The following AGPAT5 variants were observed in gnomAD, a reference collection of about 807,000 sequenced individuals.
The protein encoded by AGPAT5 is 1-acylglycerol-3-phosphate O-acyltransferase 5, also known as 1-acyl-sn-glycerol-3-phosphate acyltransferase epsilon.
Under a neutral mutation model 45.6 loss-of-function variants are expected in AGPAT5, and 46 were observed. That is an observed-to-expected ratio of 1.01 (90% CI 0.80 to 1.29). AGPAT5 has a LOEUF of 1.29. AGPAT5 is among the 50% of genes most tolerant of loss of function. The pLI, the probability that AGPAT5 is intolerant of heterozygous loss-of-function variation, is 0.00. For missense variants in AGPAT5, 673 were observed against 450.7 expected, an observed-to-expected ratio of 1.49 and a Z score of -4.47; for synonymous variants, 272 against 167.0, an observed-to-expected ratio of 1.63 and a Z score of -4.85.
intron 5 of AGPAT5, among the ~76,000 whole-genome samples, chr8:6,747,332 A>T (rs1432465742): frequency 6.6e-6 from 1 of 152,196 alleles, no homozygotes; most frequent in Non-Finnish European, 1.5e-5. Context: ...CATGGGCAAG[A>T]TGCTATCACC....
At chr8:6,744,052 A>G (rs1801338738) in intron 5 of AGPAT5, among the ~76,000 whole-genome samples, 1 of 152,096 alleles carries the variant, frequency 6.6e-6, no homozygotes, top group Non-Finnish European at 1.5e-5. Context: ...TGTCTCAAAC[A>G]TCATATGAAC....
In AGPAT5 at chr8:6,757,267, T is replaced by C. The variant is rs1234301138; in HGVS notation, c.974T>C (p.Met325Thr). The change falls in exon 8 of 8, where the codon ATG becomes ACG. Residue 325 changes from methionine to threonine, a missense_variant. By Grantham distance (81) the Met-to-Thr change is moderately conservative (BLOSUM62 -1). Coordinates refer to ENST00000285518, the MANE Select transcript of AGPAT5 (RefSeq NM_018361.5). Reference protein sequence around the residue: ...KLSIKKTLPSMLILSGLTAGM... With the variant: ...KLSIKKTLPSTLILSGLTAGM... ...AGTATCAAGAAGACTTTACCATCAATGTTGATCTTAAGTGGTTTGACTGCA... is the reference window on the plus strand; with the variant it reads ...AGTATCAAGAAGACTTTACCATCAACGTTGATCTTAAGTGGTTTGACTGCA... 1 of 1,614,162 alleles carries C rather than the reference T, an allele frequency of 6.2e-7. No individual in the cohort carries two copies. Among genetic ancestry groups the C allele is most frequent in the Non-Finnish European group, 8.5e-7 (1 of 1,180,018 alleles).
intron 6 of AGPAT5, among the ~76,000 whole-genome samples, chr8:6,754,723 G>A (rs547640895): frequency 6.6e-6 from 1 of 152,268 alleles, no homozygotes; most frequent in South Asian, 2.1e-4. Context: ...GGACTTAGAG[G>A]AGGCTCCAGC....
chr8:6,748,450 T>C (rs1801551250), intron 6 of AGPAT5, among the ~76,000 whole-genome samples: 1 of 152,174 alleles, frequency 6.6e-6, no homozygotes, highest in African/African-American at 2.4e-5. Flanking sequence ...CTTTTCAAAA[T>C]ATCTGTTTGA....
chr8:6,733,222 G>A (rs1000453625), intron 4 of AGPAT5, among the ~76,000 whole-genome samples: 2 of 152,230 alleles, frequency 1.3e-5, no homozygotes, highest in Non-Finnish European at 2.9e-5. Flanking sequence ...CGGAGACAAA[G>A]CACCATGATC....
intron 1 of AGPAT5, among the ~76,000 whole-genome samples, chr8:6,723,448 G>A (rs1800574659): frequency 1.4e-5 from 2 of 144,156 alleles, no homozygotes; most frequent in Admixed American, 1.4e-4. Context: ...TGCCCCTACC[G>A]ACCCCGCCCG....
At chr8:6,722,666 A>T (rs1019530189) in intron 1 of AGPAT5, among the ~76,000 whole-genome samples, 2 of 152,182 alleles carry the variant, frequency 1.3e-5, no homozygotes, top group African/African-American at 2.4e-5. Context: ...GGCGAGGTGA[A>T]ACTGGTCCGC....
rs932789649 is a variant in AGPAT5 at position 6,760,146 on chromosome 8, T to A, written c.*2758T>A. Among the ~76,000 whole-genome samples the A allele has an allele frequency of 2.0e-5, 3 of 152,178 alleles. No individual in the cohort carries two copies. The highest frequency in any genetic ancestry group is 4.4e-5 in the Non-Finnish European group (3 of 68,028). ...GAATAGGTCTGTGTCAATCAAGTGATCTAACTAGACTGATCATAGATAGAA... is the reference window on the plus strand; with the variant it reads ...GAATAGGTCTGTGTCAATCAAGTGAACTAACTAGACTGATCATAGATAGAA... On this transcript the variant is annotated 3_prime_UTR_variant, in exon 8 of 8. Coordinates refer to ENST00000285518, the MANE Select transcript of AGPAT5 (RefSeq NM_018361.5).
At chr8:6,745,468 C>T (rs548915032) in intron 5 of AGPAT5, among the ~76,000 whole-genome samples, 5 of 152,290 alleles carry the variant, frequency 3.3e-5, no homozygotes, top group South Asian at 4.1e-4. Flanking sequence ...TCCAAAGCAT[C>T]GTATCATTTG....
rs1034429506 is a variant in AGPAT5, at chr8:6,758,262, C to G, written c.*874C>G. ...GAACCTTGGTTGGACCCCAAGTTCA[C>G]AAGATTTTTAAGGTGATGAGAGCCT... On this transcript the variant is annotated 3_prime_UTR_variant, in exon 8 of 8. Transcript: ENST00000285518. The G allele has an allele frequency of 2.0e-5, 3 of 152,528 alleles. No homozygotes were observed. Among genetic ancestry groups the G allele is most frequent in the African/African-American group, 7.2e-5 (3 of 41,418 alleles). 9.4% of individuals were successfully genotyped at this position (152,528 alleles called of 1,614,324 possible).
At chr8:6,754,989 A>G in intron 6 of AGPAT5, 62 bp from the exon 7 acceptor site, 2 of 1,335,588 alleles carry the variant, frequency 1.5e-6, no homozygotes, top group South Asian at 3.4e-5. Context: ...TTTCATTTTT[A>G]CTTTATATGA....
At chr8:6,730,925 G>A in intron 3 of AGPAT5, 99 bp downstream of exon 3, 1 of 729,856 alleles carries the variant, frequency 1.4e-6, no homozygotes, top group Non-Finnish European at 2.1e-6. Flanking sequence ...GCTGAGTGCA[G>A]TGGTGTGAAC....
At chr8:6,747,947 G>A (rs1005749897) in intron 6 of AGPAT5, 119 bp downstream of exon 6, 23 of 1,028,916 alleles carry the variant, frequency 2.2e-5, no homozygotes, top group Middle Eastern at 4.4e-4. Context: ...ACATTTACCC[G>A]GTATATTTTT....
rs1378170629 is a variant in AGPAT5 at position 6,759,465 on chromosome 8, TCTAAAATTAAGAGCCGTATAC to T, written c.*2081_*2101del. 1 of 152,228 alleles carries T rather than the reference TCTAAAATTAAGAGCCGTATAC, an allele frequency of 6.6e-6. No individual in the cohort carries two copies. Among genetic ancestry groups the T allele is most frequent in the Non-Finnish European group, 1.5e-5 (1 of 68,036 alleles). 9.4% of individuals were successfully genotyped at this position (152,228 alleles called of 1,614,324 possible). Reference sequence around the variant, plus strand: ...GTATTGATACTGACTTGAATTATTTTCTAAAATTAAGAGCCGTATACCTACCTGTAAGTCTTTTCACATATC... The same window carrying T: ...GTATTGATACTGACTTGAATTATTTTCTACCTGTAAGTCTTTTCACATATC... On this transcript the variant is annotated 3_prime_UTR_variant, in exon 8 of 8. Coordinates refer to ENST00000285518, the MANE Select transcript of AGPAT5 (RefSeq NM_018361.5).
intron 7 of AGPAT5, 65 bp downstream of exon 7, chr8:6,755,239 A>G: frequency 6.7e-7 from 1 of 1,498,314 alleles, no homozygotes; most frequent in Non-Finnish European, 9.0e-7. Flanking sequence ...ATAGTCAACA[A>G]TTTGAAACCA....
intron 1 of AGPAT5, among the ~76,000 whole-genome samples, chr8:6,722,396 A>T (rs1460078785): frequency 6.6e-6 from 1 of 152,174 alleles, no homozygotes; most frequent in Non-Finnish European, 1.5e-5. Context: ...ACAACAGCAA[A>T]AGTTTTTTTT....
intron 1 of AGPAT5, among the ~76,000 whole-genome samples, chr8:6,715,785 T>G (rs1251841110): frequency 6.6e-6 from 1 of 152,228 alleles, no homozygotes; most frequent in African/African-American, 2.4e-5. Context: ...AGAGGTAAAG[T>G]AACTCTTTAA....
At chr8:6,732,518 A>G (rs759575712) in intron 3 of AGPAT5, 43 bp from the exon 4 acceptor site, 17 of 1,530,372 alleles carry the variant, frequency 1.1e-5, no homozygotes, top group Middle Eastern at 1.7e-4. Context: ...GCCAATTGTT[A>G]TTTTAAAAGT....
intron 5 of AGPAT5, among the ~76,000 whole-genome samples, chr8:6,742,582 A>G (rs1356795750): frequency 6.6e-6 from 1 of 152,216 alleles, no homozygotes; most frequent in Non-Finnish European, 1.5e-5. Context: ...ATAATGGTAA[A>G]GTTCTTCATC....
Sources: allele counts gnomAD v4.1 joint callset (sites outside exome capture counted in the v4.1 genomes callset), GRCh38; gene constraint gnomAD v4.1.1; transcripts MANE v1.5; gene names NCBI Gene and HGNC (gene_info 2026-07-23, HGNC 2026-07-21).